Variants in ZNF83 observed in about 807,000 individuals in gnomAD.
ZNF83 encodes the protein zinc finger protein 83, also known as zinc finger protein 816B.
For missense variants in ZNF83, 552 were observed against 629.9 expected (o/e 0.88, Z 1.32); for synonymous variants, 209 against 213.0 (o/e 0.98, Z 0.17).
At chr19:52,634,473 A>T (rs1318276566) in intron 2 of ZNF83, among the ~76,000 whole-genome samples, 2 of 152,174 alleles carry the variant, frequency 1.3e-5, no homozygotes, top group Non-Finnish European at 2.9e-5. Flanking sequence ...TCCTGCTATT[A>T]TTCAGGTTGA....
chr19:52,638,060 G>A (rs2061212286), intron 1 of ZNF83, among the ~76,000 whole-genome samples: 1 of 152,162 alleles, frequency 6.6e-6, no homozygotes, highest in Admixed American at 6.5e-5. Context: ...TCAGAAAACA[G>A]TTTTGAGCAG....
chr19:52,677,491 GA>G (rs370364941), intron 1 of ZNF83, among the ~76,000 whole-genome samples: 2 of 150,376 alleles, frequency 1.3e-5, no homozygotes, highest in African/African-American at 2.5e-5. Flanking sequence ...GTCTCAAAAA[GA>G]AAAAAAGAAA....
At chr19:52,636,437 G>C (rs1399455992) in intron 1 of ZNF83, 1 of 152,112 alleles carries the variant, frequency 6.6e-6, no homozygotes, top group African/African-American at 2.4e-5. Context: ...AAGTGAATAA[G>C]TCACTCCACT....
intron 1 of ZNF83, among the ~76,000 whole-genome samples, chr19:52,683,896 T>A (rs2061969938): frequency 1.3e-5 from 2 of 152,082 alleles, no homozygotes; most frequent in Admixed American, 1.3e-4. Context: ...TAATTGTGCA[T>A]CCTTCAAGTA....
chr19:52,653,052 A>G, intron 3 of ZNF83: 1 of 1,485,658 alleles, frequency 6.7e-7, no homozygotes, highest in Non-Finnish European at 9.4e-7. Context: ...TGCCACATTC[A>G]TTACACTTGT....
At chr19:52,688,950 GAAAAA>G (rs56247444) in intron 1 of ZNF83, among the ~76,000 whole-genome samples, 2,867 of 126,748 alleles carry the variant, frequency 0.023, 60 homozygotes, top group African/African-American at 0.058. Context: ...AAGGTTGAAG[GAAAAA>G]AAAAAAAAAA....
chr19:52,650,256 TCTTTC>T (rs142252624), intron 3 of ZNF83, among the ~76,000 whole-genome samples: 76,677 of 147,874 alleles, frequency 0.52, 20,210 homozygotes, highest in East Asian at 0.7. Context: ...TTGTTACTTT[TCTTTC>T]TTTTTTTTTT....
intron 3 of ZNF83, chr19:52,652,929 T>C (rs2061461534): frequency 8.4e-7 from 1 of 1,186,934 alleles, no homozygotes; most frequent in Non-Finnish European, 1.2e-6. Flanking sequence ...TATAATGGTA[T>C]ACAAAGGATG....
At chr19:52,673,578 C>A (rs1196606654) in intron 1 of ZNF83, among the ~76,000 whole-genome samples, 2 of 152,010 alleles carry the variant, frequency 1.3e-5, no homozygotes, top group African/African-American at 4.8e-5. Flanking sequence ...TATTTAAAAA[C>A]CTTAAGCTTT....
At chr19:52,648,783 T>C (rs963848528) in intron 3 of ZNF83, among the ~76,000 whole-genome samples, 1 of 152,166 alleles carries the variant, frequency 6.6e-6, no homozygotes, top group Non-Finnish European at 1.5e-5. Flanking sequence ...GAGATCAACC[T>C]GCTGCTAAAG....
At chr19:52,654,071 T>C (rs1031759476) in intron 3 of ZNF83, 3 of 1,595,666 alleles carry the variant, frequency 1.9e-6, no homozygotes, top group African/African-American at 2.7e-5. Context: ...TTATCAATTT[T>C]CCCTTCAGTC....
intron 2 of ZNF83, chr19:52,618,665 G>T: frequency 1.9e-6 from 1 of 512,966 alleles, no homozygotes; most frequent in Non-Finnish European, 3.2e-6. Flanking sequence ...CCAAAGTGCT[G>T]GGATTACAGG....
At chr19:52,677,300 G>A (rs111482160) in intron 1 of ZNF83, among the ~76,000 whole-genome samples, 1 of 133,554 alleles carries the variant, frequency 7.5e-6, no homozygotes, top group Non-Finnish European at 1.6e-5. Flanking sequence ...CAGACAAATT[G>A]AGAAGTAAAA....
chr19:52,626,460 T>C (rs1016233059), intron 2 of ZNF83, among the ~76,000 whole-genome samples: 1 of 152,196 alleles, frequency 6.6e-6, no homozygotes, highest in African/African-American at 2.4e-5. Flanking sequence ...GCCCAGAAAT[T>C]TGCCAACCAG....
intron 2 of ZNF83, among the ~76,000 whole-genome samples, chr19:52,622,634 G>A (rs935183348): frequency 1.3e-5 from 2 of 151,176 alleles, no homozygotes; most frequent in Admixed American, 6.6e-5. Context: ...AAACTTAAAC[G>A]ACCCAAGGTA....
chr19:52,684,196 G>A (rs1489415428), intron 1 of ZNF83, among the ~76,000 whole-genome samples: 1 of 151,832 alleles, frequency 6.6e-6, no homozygotes, highest in African/African-American at 2.4e-5. Flanking sequence ...TCGTGAAACT[G>A]CATCTCTACT....
intron 2 of ZNF83, among the ~76,000 whole-genome samples, chr19:52,658,283 G>T (rs1195012881): frequency 6.6e-6 from 1 of 152,024 alleles, no homozygotes; most frequent in Non-Finnish European, 1.5e-5. Context: ...TCTGGCTCAT[G>T]CCTGTAATTT....
intron 3 of ZNF83, among the ~76,000 whole-genome samples, chr19:52,649,130 A>G (rs1376551785): frequency 1.3e-5 from 2 of 152,010 alleles, no homozygotes; most frequent in Non-Finnish European, 2.9e-5. Flanking sequence ...AGGCTGACAC[A>G]GGTGAGTGGT....
chr19:52,653,509 CTA>C (rs1352913008), intron 3 of ZNF83, among the ~76,000 whole-genome samples: 1 of 152,124 alleles, frequency 6.6e-6, no homozygotes, highest in Non-Finnish European at 1.5e-5. Flanking sequence ...ATGAATTCGC[CTA>C]TGTGTTTCAA....
Sources: gnomAD v4.1 joint callset for allele counts (sites outside exome capture counted in the v4.1 genomes callset) on GRCh38, gnomAD v4.1.1 for gene constraint, MANE v1.5 for transcripts, NCBI Gene and HGNC (gene_info 2026-07-23, HGNC 2026-07-21) for gene names.